The following MAGI1 variants were observed in gnomAD, a reference collection of about 807,000 sequenced individuals.
MAGI1 encodes the protein membrane-associated guanylate kinase, WW and PDZ domain-containing protein 1.
A neutral mutation model predicts 139.9 loss-of-function variants in MAGI1; 58 were observed. The ratio of observed to expected loss-of-function variants is 0.41; its 90% confidence interval spans 0.34 to 0.52. MAGI1 has a LOEUF of 0.52. Ranked by LOEUF, MAGI1 falls within the 20% of genes least tolerant of loss-of-function variation. The pLI is 0.12. For synonymous variants in MAGI1, 812 were observed against 737.9 expected (o/e 1.10, Z -1.63); for missense variants, 1,874 against 1,901.6 (o/e 0.99, Z 0.27).
chr3:65,641,184 A>T (rs1457979036), intron 1 of MAGI1, among the ~76,000 whole-genome samples: 1 of 152,140 alleles, frequency 6.6e-6, no homozygotes, highest in Non-Finnish European at 1.5e-5. Context: ...AAGCTTCCCC[A>T]CATGGCTCTA....
At chr3:65,604,900 T>C (rs548934013) in intron 2 of MAGI1, among the ~76,000 whole-genome samples, 1 of 152,264 alleles carries the variant, frequency 6.6e-6, no homozygotes, top group African/African-American at 2.4e-5. Context: ...TAGCAGTACT[T>C]CCCTCCAAGG....
intron 1 of MAGI1, among the ~76,000 whole-genome samples, chr3:65,783,030 A>ACT (rs2039064333): frequency 6.6e-6 from 1 of 152,160 alleles, no homozygotes; most frequent in African/African-American, 2.4e-5. Flanking sequence ...AAAAAAGAGA[A>ACT]GTTGGATGAC....
At chr3:65,936,590 C>CA (rs747000741) in intron 1 of MAGI1, among the ~76,000 whole-genome samples, 2,122 of 115,920 alleles carry the variant, frequency 0.018, 40 homozygotes, top group African/African-American at 0.06. Context: ...GACTCCCTCT[C>CA]AAAAAAAAAA....
At chr3:65,989,141 T>C (rs2066034413) in intron 1 of MAGI1, among the ~76,000 whole-genome samples, 1 of 152,208 alleles carries the variant, frequency 6.6e-6, no homozygotes, top group African/African-American at 2.4e-5. Flanking sequence ...CAGACACTAT[T>C]CAAAGCACTG....
chr3:65,491,994 CATGAT>C (rs1012834915), intron 3 of MAGI1, among the ~76,000 whole-genome samples: 9 of 152,276 alleles, frequency 5.9e-5, no homozygotes, highest in Admixed American at 5.9e-4. Context: ...GATTCATGAT[CATGAT>C]ATGAGTGTTA....
At position 65,354,532 on chromosome 3, in the gene MAGI1, A is replaced by C. The variant is rs1457614442; in HGVS notation, c.*1846T>G. 1 of 152,688 alleles carries C rather than the reference A, an allele frequency of 6.5e-6. No individual in the cohort carries two copies. Among genetic ancestry groups the C allele is most frequent in the Non-Finnish European group, 1.5e-5 (1 of 68,050 alleles). The allele number at this position is 152,688 out of a possible 1,614,324, so 9.5% of individuals were successfully genotyped here. On this transcript the variant is annotated 3_prime_UTR_variant, in exon 23 of 23. Transcript: ENST00000402939. ...AGTCCATAGCACACTGCAAGAAATA[A>C]ATGAGTGAAGAACAGAGAATGCAAA...
intron 1 of MAGI1, among the ~76,000 whole-genome samples, chr3:65,807,376 C>T (rs2040928000): frequency 6.6e-6 from 1 of 152,182 alleles, no homozygotes; most frequent in South Asian, 2.1e-4. Flanking sequence ...TTCTCTTCAA[C>T]CTCTGTTTAT....
chr3:65,708,523 T>A (rs975041307), intron 1 of MAGI1, among the ~76,000 whole-genome samples: 3 of 152,054 alleles, frequency 2.0e-5, no homozygotes, highest in Non-Finnish European at 2.9e-5. Flanking sequence ...AAACTTGAAT[T>A]TGGGGAGAAA....
chr3:65,896,579 G>A (rs1252560961), intron 1 of MAGI1, among the ~76,000 whole-genome samples: 4 of 152,142 alleles, frequency 2.6e-5, no homozygotes, highest in African/African-American at 9.7e-5. Context: ...GGAGGCTGGG[G>A]CAGGAGGATC....
chr3:65,406,140 A>C (rs1945322648), intron 12 of MAGI1, among the ~76,000 whole-genome samples: 1 of 152,072 alleles, frequency 6.6e-6, no homozygotes, highest in Admixed American at 6.5e-5. Flanking sequence ...CTTTTCCCCA[A>C]AATGAATGCA....
chr3:66,038,793 A>T lies in MAGI1; in HGVS notation c.-485T>A, dbSNP rs1350404143. The T allele has an allele frequency of 1.3e-5, 2 of 157,284 alleles. No homozygotes were observed. The highest frequency in any genetic ancestry group is 2.8e-5 in the Non-Finnish European group (2 of 71,656). The allele number at this position is 157,284 out of a possible 1,614,324, so 9.7% of individuals were successfully genotyped here. A position where few individuals can be genotyped will look rare whatever the true frequency, so the allele number is the denominator to read the frequency against. ...AAGACGCGGTGGCGGGGCGGCGGGG[A>T]GCAGGGCGGGAGGTAAGTGCTCGCG... On this transcript the variant is annotated 5_prime_UTR_variant, in exon 1 of 23. Transcript: ENST00000402939.
intron 2 of MAGI1, among the ~76,000 whole-genome samples, chr3:65,608,168 G>T (rs746222612): frequency 6.6e-6 from 1 of 152,156 alleles, no homozygotes; most frequent in African/African-American, 2.4e-5. Context: ...GGGACCGGGT[G>T]GAGTGGCTCA....
intron 4 of MAGI1, among the ~76,000 whole-genome samples, chr3:65,474,543 G>A (rs1056739196): frequency 2.0e-5 from 3 of 152,066 alleles, no homozygotes; most frequent in Middle Eastern, 3.4e-3. Flanking sequence ...CATAAAAATC[G>A]TTTGTAAAAC....
At chr3:65,936,578 G>T (rs2063063432) in intron 1 of MAGI1, among the ~76,000 whole-genome samples, 1 of 149,354 alleles carries the variant, frequency 6.7e-6, no homozygotes, top group Non-Finnish European at 1.5e-5. Context: ...CTGGGTGACA[G>T]AGACTCCCTC....
rs56135171 is a variant in MAGI1, at chr3:65,463,558, ATGTGTGTGTGTGTG to A, written c.959+6711_959+6724del. Among the ~76,000 whole-genome samples the A allele has an allele frequency of 3.0e-3, 418 of 140,818 alleles. 1 individual carries two copies. The highest frequency in any genetic ancestry group is 0.014 in the Middle Eastern group (4 of 278). 92.4% of individuals were successfully genotyped at this position (140,818 alleles called of 152,430 possible). A position where few individuals can be genotyped will look rare whatever the true frequency, so the allele number is the denominator to read the frequency against. On this transcript the variant is annotated intron_variant, in intron 5 of 22. Transcript: ENST00000402939. Reference sequence around the variant, plus strand: ...TGTTCATCAGGGATATTGGCCTGAAATGTGTGTGTGTGTGTGTGTGTGTGTGTGTGTGTGTGTGT... The same window carrying A: ...TGTTCATCAGGGATATTGGCCTGAAATGTGTGTGTGTGTGTGTGTGTGTGT...
intron 1 of MAGI1, among the ~76,000 whole-genome samples, chr3:65,979,088 T>TTCCCC (rs377493475): frequency 1.9e-5 from 1 of 52,988 alleles, no homozygotes; most frequent in African/African-American, 7.0e-5. Context: ...TTTCTTTTCT[T>TTCCCC]CCCCCCCCCC....
intron 1 of MAGI1, among the ~76,000 whole-genome samples, chr3:65,921,403 G>T (rs1185382507): frequency 2.0e-5 from 3 of 151,796 alleles, no homozygotes; most frequent in Non-Finnish European, 4.4e-5. Context: ...CTGTGTCCCG[G>T]GTTCAAGTAA....
intron 1 of MAGI1, among the ~76,000 whole-genome samples, chr3:65,715,035 G>A (rs978927679): frequency 3.9e-5 from 6 of 152,122 alleles, no homozygotes; most frequent in African/African-American, 1.4e-4. Flanking sequence ...GGTAGAGATG[G>A]TGGGGGGTGG....
chr3:65,414,328 T>C (rs1946024615), intron 12 of MAGI1, among the ~76,000 whole-genome samples: 2 of 152,356 alleles, frequency 1.3e-5, no homozygotes, highest in East Asian at 1.9e-4. Flanking sequence ...ATAACTTATA[T>C]AGGACAAAAG....
Sources: allele counts gnomAD v4.1 joint callset (sites outside exome capture counted in the v4.1 genomes callset), GRCh38; gene constraint gnomAD v4.1.1; transcripts MANE v1.5; gene names NCBI Gene and HGNC (gene_info 2026-07-23, HGNC 2026-07-21).